ZC3HAV1L: variants seen among roughly 807,000 people sequenced by gnomAD.
ZC3HAV1L encodes the protein ZC3HAV1 like.
In ZC3HAV1L, 23 loss-of-function variants were observed where a neutral mutation model predicts 28.2. The ratio of observed to expected loss-of-function variants is 0.82; its 90% CI spans 0.59 to 1.16. The LOEUF is 1.16. Among genes scored for constraint, ZC3HAV1L ranks in the 50% most tolerant of loss-of-function variants. The probability of loss-of-function intolerance (pLI) is 0.00; values close to 1 mark genes in which losing one functional copy is unlikely to be tolerated. For synonymous variants in ZC3HAV1L, 180 were observed against 163.4 expected, an observed-to-expected ratio of 1.10 and a Z score of -0.78; for missense variants, 376 against 387.7, an observed-to-expected ratio of 0.97 and a Z score of 0.25.
chr7:139,031,355 C>T (rs1202111990), intron 2 of ZC3HAV1L, among the ~76,000 whole-genome samples: 1 of 151,906 alleles, frequency 6.6e-6, no homozygotes, highest in African/African-American at 2.4e-5. Context: ...GAGGCCAAGG[C>T]AGGCGGATTG....
At chr7:139,029,969 A>G (rs1469011458) in intron 2 of ZC3HAV1L, among the ~76,000 whole-genome samples, 4 of 152,104 alleles carry the variant, frequency 2.6e-5, no homozygotes, top group Non-Finnish European at 5.9e-5. Flanking sequence ...CCCTGAAACC[A>G]CGCATCAGTC....
At position 139,026,254 on chromosome 7, in the gene ZC3HAV1L, T is replaced by C. The variant is rs1474228980; in HGVS notation, c.*290A>G. On this transcript the variant is annotated 3_prime_UTR_variant, in exon 5 of 5. Transcript: ENST00000275766. ...ATATAGAAAGATGCTTATGAGACAA[T>C]ATTAAGTGAAAAAAAAAAATGAGTG... 4.7e-6 allele frequency: 2 copies of C among 426,326 alleles called. No homozygotes were observed. The highest frequency in any genetic ancestry group is 7.8e-5 in the East Asian group (2 of 25,612). 26.4% of individuals were successfully genotyped at this position (426,326 alleles called of 1,614,324 possible). A position where few individuals can be genotyped will look rare whatever the true frequency, so the allele number is the denominator to read the frequency against.
chr7:139,033,281 T>C (rs1815591486), intron 2 of ZC3HAV1L, among the ~76,000 whole-genome samples: 1 of 152,240 alleles, frequency 6.6e-6, no homozygotes, highest in African/African-American at 2.4e-5. Context: ...AATGCTTTTA[T>C]TTTAAAAATT....
chr7:139,026,855 G>A (rs762337144), intron 3 of ZC3HAV1L, 22 bp from the exon 4 acceptor site: 3 of 1,594,110 alleles, frequency 1.9e-6, no homozygotes, highest in Non-Finnish European at 8.6e-7. Flanking sequence ...AAAGGGATAA[G>A]TTTTCCTACG....
rs757374122 is a variant in ZC3HAV1L at position 139,028,967 on chromosome 7, C to T, written c.502-7G>A. ...TGTTGTAGAGCAAACAGACCTGGTA[C>T]AGAAATGAGGGAACACCTGAAATAT... On this transcript the variant is annotated splice_polypyrimidine_tract_variant and splice_region_variant and intron_variant, in intron 2 of 4. Coordinates refer to ENST00000275766, the MANE Select transcript of ZC3HAV1L (RefSeq NM_080660.4). 4 of 1,608,554 alleles carry T rather than the reference C, an allele frequency of 2.5e-6. No homozygotes were observed. Among genetic ancestry groups the T allele is most frequent in the East Asian group, 2.2e-5 (1 of 44,748 alleles).
downstream of ZC3HAV1L, among the ~76,000 whole-genome samples, chr7:139,023,215 T>G (rs185634727): frequency 2.1e-3 from 310 of 144,198 alleles, no homozygotes; most frequent in African/African-American, 7.7e-3. Context: ...GGGAATATCA[T>G]TTACAGAGAA....
In ZC3HAV1L at chr7:139,035,953, A is replaced by C. The variant is rs1815702384; in HGVS notation, c.65T>G (p.Phe22Cys). 5.3e-6 allele frequency: 8 copies of C among 1,519,942 alleles called. No homozygotes were observed. The highest frequency in any genetic ancestry group is 7.0e-6 in the Non-Finnish European group (8 of 1,141,920). The allele number at this position is 1,519,942 out of a possible 1,614,324, so 94.2% of individuals were successfully genotyped here. The change falls in exon 1 of 5, where the codon TTC becomes TGC. Residue 22 changes from phenylalanine (F) to cysteine (C), a missense_variant. Coordinates refer to ENST00000275766, the MANE Select transcript of ZC3HAV1L (RefSeq NM_080660.4). Reference sequence around the variant, plus strand: ...CACGTGGCCGCGCAGGTCCTTCAGGAACATGCGGCCGCCGTGGGCGCACAG... The same window carrying C: ...CACGTGGCCGCGCAGGTCCTTCAGGCACATGCGGCCGCCGTGGGCGCACAG... ...KVLCAHGGRM[F>C]LKDLRGHVEL...
Position 139,035,691 on chromosome 7 carries a change from G to A in ZC3HAV1L, c.327C>T (p.Arg109=). 6.8e-7 allele frequency: 1 copy of A among 1,478,574 alleles called. No homozygotes were observed. The highest frequency in any genetic ancestry group is 2.9e-5 in the East Asian group (1 of 34,414). 91.6% of individuals were successfully genotyped at this position (1,478,574 alleles called of 1,614,324 possible). ...TGGGGCACTTGCCCAGCATGTGCCG[G>A]CGGCAGAAGTGCAGCTGGTCGCAGG... The part of the protein sequence containing the change: ...CQACDQLHFC[R]RHMLGKCPNR... The change falls in exon 1 of 5, where the codon CGC becomes CGT. Residue 109 remains arginine, a synonymous_variant. Coordinates refer to ENST00000275766, the MANE Select transcript of ZC3HAV1L (RefSeq NM_080660.4).
chr7:139,028,915 T>G lies in ZC3HAV1L; in HGVS notation c.547A>C (p.Asn183His), dbSNP rs747709848. 1.1e-5 allele frequency: 18 copies of G among 1,614,092 alleles called. No homozygotes were observed. The highest frequency in any genetic ancestry group is 1.7e-6 in the Non-Finnish European group (2 of 1,180,040). The change falls in exon 3 of 5, where the codon AAC becomes CAC. Residue 183 changes from asparagine (N) to histidine (H), a missense_variant. Coordinates refer to ENST00000275766, the MANE Select transcript of ZC3HAV1L (RefSeq NM_080660.4). ...AACTTGTTGCATTTATCCTTGAGGT[T>G]GCAGTAGCCATACAGGGCTTCCCCT... ...NKGEALYGYC[N>H]LKDKCNKFHV...
chr7:139,029,300 G>T (rs910691915), intron 2 of ZC3HAV1L, among the ~76,000 whole-genome samples: 1 of 152,004 alleles, frequency 6.6e-6, no homozygotes, highest in African/African-American at 2.4e-5. Flanking sequence ...CACCACACCC[G>T]GCCAATATTA....
intron 3 of ZC3HAV1L, 57 bp from the exon 4 acceptor site, chr7:139,026,890 G>T: frequency 2.6e-6 from 4 of 1,562,436 alleles, no homozygotes; most frequent in Non-Finnish European, 3.5e-6. Context: ...ATTTTACGTT[G>T]GGAGCAACAG....
intron 1 of ZC3HAV1L, chr7:139,035,088 A>C: frequency 1.0e-6 from 1 of 985,478 alleles, no homozygotes; most frequent in Non-Finnish European, 1.2e-6. Context: ...TGTGAAGCAC[A>C]GCCTGGGGTC....
chr7:139,035,535 G>T, intron 1 of ZC3HAV1L, 118 bp downstream of exon 1: 1 of 1,322,318 alleles, frequency 7.6e-7, no homozygotes, highest in Non-Finnish European at 9.6e-7. Flanking sequence ...GGGTCGTCCA[G>T]CCCCGCGTCC....
intron 1 of ZC3HAV1L, chr7:139,035,036 G>C: frequency 1.0e-6 from 1 of 985,322 alleles, no homozygotes; most frequent in East Asian, 1.1e-4. Context: ...GCACCGCTTT[G>C]GCGGGGTGTG....
chr7:139,024,898 G>C (rs1469331092), downstream of ZC3HAV1L, among the ~76,000 whole-genome samples: 1 of 152,144 alleles, frequency 6.6e-6, no homozygotes, highest in African/African-American at 2.4e-5. Context: ...AAAATTAATT[G>C]CATAAAGCTG....
chr7:139,032,405 T>A (rs11760774), intron 2 of ZC3HAV1L, among the ~76,000 whole-genome samples: 1 of 151,516 alleles, frequency 6.6e-6, no homozygotes, highest in Non-Finnish European at 1.5e-5. Flanking sequence ...GAGGCTGAGG[T>A]GGGCGGATCA....
At chr7:139,029,421 G>A (rs535253645) in intron 2 of ZC3HAV1L, among the ~76,000 whole-genome samples, 16 of 152,344 alleles carry the variant, frequency 1.1e-4, no homozygotes, top group Non-Finnish European at 1.8e-4. Context: ...GGGAAAGCCT[G>A]ATGATAGTGT....
chr7:139,026,349 G>T lies in ZC3HAV1L; in HGVS notation c.*195C>A. The T allele has an allele frequency of 2.8e-6, 2 of 708,636 alleles. No individual in the cohort carries two copies. Among genetic ancestry groups the T allele is most frequent in the Non-Finnish European group, 4.5e-6 (2 of 448,428 alleles). 43.9% of individuals were successfully genotyped at this position (708,636 alleles called of 1,614,324 possible). A position where few individuals can be genotyped will look rare whatever the true frequency, so the allele number is the denominator to read the frequency against. ...ATGGTGGACCACAGAAGTCAGCAGAGCTCCATCTACCCAGCCTGAGGAAAG... is the reference window on the plus strand; with the variant it reads ...ATGGTGGACCACAGAAGTCAGCAGATCTCCATCTACCCAGCCTGAGGAAAG... On this transcript the variant is annotated 3_prime_UTR_variant, in exon 5 of 5. Coordinates refer to ENST00000275766, the MANE Select transcript of ZC3HAV1L (RefSeq NM_080660.4).
intron 2 of ZC3HAV1L, among the ~76,000 whole-genome samples, chr7:139,033,284 T>A (rs935070568): frequency 3.9e-5 from 6 of 152,238 alleles, no homozygotes; most frequent in East Asian, 1.9e-4. Context: ...GCTTTTATTT[T>A]AAAAATTTTT....
Sources: allele counts gnomAD v4.1 joint callset (sites outside exome capture counted in the v4.1 genomes callset), GRCh38; gene constraint gnomAD v4.1.1; transcripts MANE v1.5; gene names NCBI Gene and HGNC (gene_info 2026-07-23, HGNC 2026-07-21).